ZNF536: variants seen among roughly 807,000 people sequenced by gnomAD.
ZNF536 encodes the protein zinc finger protein 536.
Under a neutral mutation model 84.5 loss-of-function variants are expected in ZNF536, and 13 were observed. The ratio of observed to expected loss-of-function variants is 0.15; its 90% confidence interval spans 0.10 to 0.24. The LOEUF is 0.24. Ranked by LOEUF, ZNF536 falls within the 10% of genes least tolerant of loss-of-function variation. The pLI, the probability that ZNF536 is intolerant of heterozygous loss-of-function variation, is 1.00. For synonymous variants in ZNF536, 811 were observed against 742.5 expected (o/e 1.09, Z -1.50); for missense variants, 1,536 against 1,747.5 (o/e 0.88, Z 2.16).
At chr19:30,551,126 A>T (rs2045066769) in intron 4 of ZNF536, among the ~76,000 whole-genome samples, 1 of 142,906 alleles carries the variant, frequency 7.0e-6, no homozygotes, top group Non-Finnish European at 1.5e-5. Flanking sequence ...ATTGTTGTTT[A>T]GAGTCTTTTT....
At chr19:30,467,327 T>G (rs2053454994) in intron 2 of ZNF536, among the ~76,000 whole-genome samples, 2 of 152,224 alleles carry the variant, frequency 1.3e-5, no homozygotes, top group African/African-American at 2.4e-5. Context: ...ATGTATGGAT[T>G]TGAGTACTCT....
At chr19:30,669,941 G>C (rs896291681) in intron 1 of ZNF536, among the ~76,000 whole-genome samples, 16 of 152,226 alleles carry the variant, frequency 1.1e-4, no homozygotes, top group African/African-American at 3.9e-4. Flanking sequence ...TTCTACAGGA[G>C]GGAAGAGAAC....
rs189064812 is a variant in ZNF536, at chr19:30,634,751, A to G, written c.170-76006A>G. On this transcript the variant is annotated intron_variant, in intron 1 of 1. Coordinates refer to the ZNF536 transcript ENST00000592773. ...CGTTACAAACTCACACAATCCAACC[A>G]GAAAGGGGACGGGATTTTCATTTCG... Among the ~76,000 whole-genome samples the G allele has an allele frequency of 2.5e-3, 379 of 152,248 alleles. 2 individuals carry two copies. Among genetic ancestry groups the G allele is most frequent in the Non-Finnish European group, 3.9e-3 (264 of 68,028 alleles).
intron 1 of ZNF536, among the ~76,000 whole-genome samples, chr19:30,684,866 C>T (rs569181857): frequency 1.4e-4 from 21 of 152,122 alleles, no homozygotes; most frequent in East Asian, 1.9e-4. Context: ...ACCAAGCCTC[C>T]GAGGGCAGAT....
At chr19:30,257,805 C>G (rs2024990484) in intron 1 of ZNF536, among the ~76,000 whole-genome samples, 1 of 152,232 alleles carries the variant, frequency 6.6e-6, no homozygotes, top group Non-Finnish European at 1.5e-5. Flanking sequence ...CCCATTGCAA[C>G]TGGAGGAGCT....
chr19:30,552,512 G>C (rs1568547834), intron 4 of ZNF536, among the ~76,000 whole-genome samples: 1 of 152,240 alleles, frequency 6.6e-6, no homozygotes. Flanking sequence ...GATCTCAGCA[G>C]CTCCTCCAAC....
intron 2 of ZNF536, among the ~76,000 whole-genome samples, chr19:30,317,084 A>G (rs1159109494): frequency 2.0e-5 from 3 of 152,224 alleles, no homozygotes; most frequent in Non-Finnish European, 4.4e-5. Flanking sequence ...AAGCTCTGAT[A>G]GCCTGTAGTT....
chr19:30,275,188 A>G (rs2026062271), intron 1 of ZNF536, among the ~76,000 whole-genome samples: 1 of 151,478 alleles, frequency 6.6e-6, no homozygotes, highest in Admixed American at 6.6e-5. Flanking sequence ...GAGCTGGAGG[A>G]CTCCATCCTG....
chr19:30,261,697 C>CAAA, intron 1 of ZNF536, among the ~76,000 whole-genome samples: 1 of 99,876 alleles, frequency 1.0e-5, no homozygotes, highest in Non-Finnish European at 2.1e-5. Flanking sequence ...GGACCTTGTC[C>CAAA]AAAAAAAAAA....
upstream of ZNF536, among the ~76,000 whole-genome samples, chr19:30,228,047 CGTGTGTATGTGCGTGCGTGT>C (rs530136923): frequency 3.0e-4 from 46 of 151,782 alleles, no homozygotes; most frequent in South Asian, 9.6e-3. This position sits in a 1 kb window ranked among gnomAD's most constrained non-coding sequence, Gnocchi z 4.5. Flanking sequence ...TGCGTGCGTG[CGTGTGTATGTGCGTGCGTGT>C]GTGTGTGTGG....
chr19:30,446,737 A>G (rs558597082), intron 2 of ZNF536, among the ~76,000 whole-genome samples: 3 of 152,254 alleles, frequency 2.0e-5, no homozygotes, highest in African/African-American at 7.2e-5. Flanking sequence ...GGTCTAAAAT[A>G]GCAAAGCAGA....
chr19:30,438,825 C>T (rs976246298), intron 1 of ZNF536, among the ~76,000 whole-genome samples: 2 of 152,064 alleles, frequency 1.3e-5, no homozygotes, highest in African/African-American at 2.4e-5. Context: ...ACTACAGGCA[C>T]GCATCACCAT....
intron 1 of ZNF536, among the ~76,000 whole-genome samples, chr19:30,649,542 C>A (rs2147433955): frequency 7.3e-6 from 1 of 137,746 alleles, no homozygotes; most frequent in African/African-American, 2.8e-5. Context: ...ATTAAAGCAG[C>A]ATTTTCCTTT....
chr19:30,663,552 G>A (rs1489606631), intron 1 of ZNF536, among the ~76,000 whole-genome samples: 3 of 152,026 alleles, frequency 2.0e-5, no homozygotes, highest in Non-Finnish European at 4.4e-5. Flanking sequence ...TTTCCATTCA[G>A]CAGACCTAAT....
At chr19:30,390,624 G>T (rs1246946130) in intron 1 of ZNF536, among the ~76,000 whole-genome samples, 3 of 152,208 alleles carry the variant, frequency 2.0e-5, no homozygotes, top group Non-Finnish European at 4.4e-5. Context: ...GAGGTCTGAA[G>T]GTGCTTTTAT....
chr19:30,364,807 A>G (rs1422468862), intron 3 of ZNF536, among the ~76,000 whole-genome samples: 2 of 152,200 alleles, frequency 1.3e-5, no homozygotes, highest in Non-Finnish European at 2.9e-5. Context: ...TCAGGGTCAT[A>G]TGCGTTTTTC....
intron 1 of ZNF536, among the ~76,000 whole-genome samples, chr19:30,442,775 G>A (rs1310846171): frequency 1.3e-5 from 2 of 152,170 alleles, no homozygotes; most frequent in Admixed American, 1.3e-4. Context: ...GCCGCTACTC[G>A]CAGTCTCCTT....
chr19:30,672,294 AC>A (rs1248610639), intron 1 of ZNF536, among the ~76,000 whole-genome samples: 1 of 152,150 alleles, frequency 6.6e-6, no homozygotes, highest in Non-Finnish European at 1.5e-5. Context: ...GACTTAAGTG[AC>A]CACCCCAGGG....
At chr19:30,516,026 CAA>C (rs553504551) in intron 2 of ZNF536, among the ~76,000 whole-genome samples, 10 of 75,614 alleles carry the variant, frequency 1.3e-4, no homozygotes, top group Admixed American at 3.1e-4. Context: ...GACTCCATCT[CAA>C]AAAAAAAAAA....
Sources: allele counts gnomAD v4.1 joint callset (sites outside exome capture counted in the v4.1 genomes callset), GRCh38; gene constraint gnomAD v4.1.1; non-coding constraint Gnocchi (gnomAD v3.1); transcripts MANE v1.5; gene names NCBI Gene and HGNC (gene_info 2026-07-23, HGNC 2026-07-21).